CCPG1: variants seen among roughly 807,000 people sequenced by gnomAD.
CCPG1 encodes the protein cell cycle progression protein 1.
Under a neutral mutation model 81.3 loss-of-function variants are expected in CCPG1, and 46 were observed. The ratio of observed to expected loss-of-function variants is 0.57; its 90% CI spans 0.45 to 0.72. The LOEUF (loss-of-function observed/expected upper bound fraction) is 0.72, where lower values mean the gene tolerates loss of function less well. CCPG1 is among the 30% of genes least tolerant of loss of function. CCPG1 has a pLI of 0.00. For synonymous variants in CCPG1, 330 were observed against 305.2 expected (o/e 1.08, Z -0.85); for missense variants, 902 against 937.6 (o/e 0.96, Z 0.50).
intron 6 of CCPG1, among the ~76,000 whole-genome samples, chr15:55,368,829 G>C (rs562845131): frequency 5.3e-5 from 8 of 152,120 alleles, no homozygotes; most frequent in Non-Finnish European, 8.8e-5. Context: ...ATTATAAAGC[G>C]GGCCAGGCAC....
intron 8 of CCPG1, chr15:55,356,671 CAAT>C: frequency 8.6e-7 from 1 of 1,165,886 alleles, no homozygotes; most frequent in Non-Finnish European, 1.1e-6. Flanking sequence ...AGAAATGTGA[CAAT>C]AAAATAATGA....
At chr15:55,383,816 G>C (rs1022260655) in intron 3 of CCPG1, among the ~76,000 whole-genome samples, 1 of 152,212 alleles carries the variant, frequency 6.6e-6, no homozygotes, top group Non-Finnish European at 1.5e-5. Flanking sequence ...GGAAGGACTT[G>C]TTCTGGATTA....
At chr15:55,383,198 T>A (rs2056735797) in intron 3 of CCPG1, among the ~76,000 whole-genome samples, 2 of 152,214 alleles carry the variant, frequency 1.3e-5, no homozygotes, top group African/African-American at 4.8e-5. Context: ...TACATCTCCA[T>A]CAGAGCCCTT....
intron 6 of CCPG1, among the ~76,000 whole-genome samples, chr15:55,367,071 C>T (rs2056345694): frequency 2.0e-5 from 3 of 152,174 alleles, no homozygotes; most frequent in Admixed American, 2.0e-4. Context: ...TGCCAATTTA[C>T]AGGTAACTGT....
intron 3 of CCPG1, among the ~76,000 whole-genome samples, chr15:55,380,940 A>G (rs2056676906): frequency 6.6e-6 from 1 of 152,026 alleles, no homozygotes; most frequent in Non-Finnish European, 1.5e-5. Flanking sequence ...GATCAAGACC[A>G]TCCTGGCTAA....
rs373917631 is a variant in CCPG1, at chr15:55,389,068, C to CAAAAAAAAAAAA, written c.60+285_60+296dup. On this transcript the variant is annotated intron_variant, in intron 2 of 8. Coordinates refer to ENST00000442196, the MANE Select transcript of CCPG1 (RefSeq NM_001204450.2). ...TGGGCAACAGAGTGAGACTCTGTCT[C>CAAAAAAAAAAAA]AAAAAAAAAAAAAAAAAAAAAGACA... Among the ~76,000 whole-genome samples the CAAAAAAAAAAAA allele has an allele frequency of 7.1e-4, 40 of 56,284 alleles. 1 individual carries two copies. Among genetic ancestry groups the CAAAAAAAAAAAA allele is most frequent in the East Asian group, 5.1e-3 (9 of 1,772 alleles). 36.9% of individuals were successfully genotyped at this position (56,284 alleles called of 152,430 possible).
At chr15:55,381,878 C>T (rs2056705201) in intron 3 of CCPG1, among the ~76,000 whole-genome samples, 1 of 152,160 alleles carries the variant, frequency 6.6e-6, no homozygotes, top group African/African-American at 2.4e-5. Context: ...TCTGCAAGTT[C>T]AGTTCCAAAC....
intron 2 of CCPG1, among the ~76,000 whole-genome samples, chr15:55,388,913 C>A (rs868314036): frequency 1.3e-5 from 2 of 151,352 alleles, no homozygotes; most frequent in South Asian, 2.1e-4. Flanking sequence ...ACTGAAAATA[C>A]AAAAATTAGC....
intron 6 of CCPG1, 128 bp from the exon 7 acceptor site, chr15:55,365,437 T>TTTTTTTTTTTG (rs2056306291): frequency 1.6e-6 from 1 of 622,466 alleles, no homozygotes; most frequent in African/African-American, 2.0e-5. Flanking sequence ...TTTTTGTTTT[T>TTTTTTTTTTTG]TTTTTGTTTT....
At chr15:55,398,542 A>T (rs1047393584) in intron 1 of CCPG1, among the ~76,000 whole-genome samples, 1 of 152,082 alleles carries the variant, frequency 6.6e-6, no homozygotes, top group African/African-American at 2.4e-5. Flanking sequence ...TTTAAAACAC[A>T]TCACTTGAGA....
rs368384461 is a variant in CCPG1 at position 55,360,576 on chromosome 15, T to C, written c.1197A>G (p.Glu399=). The part of the protein sequence containing the change: ...ERLVTTALRG[E]LQQLSGSQLH... ...ACTGACTACCACTTAACTGCTGGAGTTCCCCCCTTAAAGCCGTAGTTACTA... is the reference window on the plus strand; with the variant it reads ...ACTGACTACCACTTAACTGCTGGAGCTCCCCCCTTAAAGCCGTAGTTACTA... Residue 399 remains glutamate (E), a synonymous_variant, in exon 8 of 9, where the codon GAA becomes GAG. Coordinates refer to ENST00000442196, the MANE Select transcript of CCPG1 (RefSeq NM_001204450.2). 8 of 1,613,910 alleles carry C rather than the reference T, an allele frequency of 5.0e-6. No individual in the cohort carries two copies. In the Admixed American group the frequency reaches 8.3e-5, roughly 17 times the overall value.
intron 3 of CCPG1, among the ~76,000 whole-genome samples, chr15:55,382,681 T>C (rs187366051): frequency 1.2e-3 from 189 of 152,160 alleles, no homozygotes; most frequent in African/African-American, 4.4e-3. Flanking sequence ...AGCTAATTGT[T>C]TGTATTTTTA....
chr15:55,371,948 GTCT>G lies in CCPG1; in HGVS notation c.548_550del (p.Lys183del). ...GTCTTCAGATTCTGAAGCAGAAACGGTCTTCTTCCTAGCACGGCGTCGTCTAAA... is the reference window on the plus strand; with the variant it reads ...GTCTTCAGATTCTGAAGCAGAAACGGTCTTCCTAGCACGGCGTCGTCTAAA... On this transcript the variant is annotated inframe_deletion, in exon 6 of 9. Transcript: ENST00000442196. The G allele has an allele frequency of 1.2e-6, 2 of 1,614,174 alleles. No individual in the cohort carries two copies. The highest frequency in any genetic ancestry group is 4.5e-5 in the East Asian group (2 of 44,886).
intron 1 of CCPG1, among the ~76,000 whole-genome samples, chr15:55,390,231 T>C (rs1442705223): frequency 1.3e-5 from 2 of 152,144 alleles, no homozygotes; most frequent in African/African-American, 2.4e-5. Context: ...AATCAAACTG[T>C]TTTTATGAAA....
In CCPG1 at chr15:55,360,203, T is replaced by G; in HGVS notation, c.1570A>C (p.Lys524Gln). Residue 524 changes from lysine (K) to glutamine (Q), a missense_variant, in exon 8 of 9, where the codon AAA becomes CAA. Transcript: ENST00000442196. ...AKEAVKENLK[K>Q]FSDSVKSTFR... is the part of the protein sequence containing the mutation. ...GTGGATTTAACTGAATCTGAGAATT[T>G]TTTCAGATTTTCCTTCACAGCTTCT... is the stretch of plus-strand genomic sequence containing the variant. The G allele has an allele frequency of 1.2e-6, 2 of 1,613,542 alleles. No homozygotes were observed. Among genetic ancestry groups the G allele is most frequent in the Non-Finnish European group, 1.7e-6 (2 of 1,179,878 alleles).
At chr15:55,357,092 G>C (rs1440105246) in intron 8 of CCPG1, 1 of 984,790 alleles carries the variant, frequency 1.0e-6, no homozygotes, top group Non-Finnish European at 1.2e-6. Context: ...TAAATATACA[G>C]TCTCGGCAAA....
chr15:55,388,673 G>T (rs1371282793), intron 2 of CCPG1, among the ~76,000 whole-genome samples: 1 of 151,996 alleles, frequency 6.6e-6, no homozygotes, highest in Non-Finnish European at 1.5e-5. Context: ...GATCACTTGA[G>T]CCCAAGGAGT....
Position 55,365,319 on chromosome 15 carries a change from A to C in CCPG1, c.707-10T>G. ...TGAATCTGAATTGTGCCTAAAATAA[A>C]TATTTTTATTAAAGGTATGTAACAA... On this transcript the variant is annotated splice_polypyrimidine_tract_variant and intron_variant, in intron 6 of 8. Transcript: ENST00000442196. 1.3e-6 allele frequency: 2 copies of C among 1,483,662 alleles called. No individual in the cohort carries two copies. Among genetic ancestry groups the C allele is most frequent in the Non-Finnish European group, 1.8e-6 (2 of 1,084,538 alleles). 91.9% of individuals were successfully genotyped at this position (1,483,662 alleles called of 1,614,324 possible). A position where few individuals can be genotyped will look rare whatever the true frequency, so the allele number is the denominator to read the frequency against.
intron 1 of CCPG1, among the ~76,000 whole-genome samples, chr15:55,390,636 G>C (rs2056895656): frequency 6.6e-6 from 1 of 152,024 alleles, no homozygotes; most frequent in Non-Finnish European, 1.5e-5. Flanking sequence ...GGTATTTTTA[G>C]TAGAGACGAG....
Sources: allele counts gnomAD v4.1 joint callset (sites outside exome capture counted in the v4.1 genomes callset), GRCh38; gene constraint gnomAD v4.1.1; transcripts MANE v1.5; gene names NCBI Gene and HGNC (gene_info 2026-07-23, HGNC 2026-07-21).